Variants in SLC25A13 observed in about 807,000 individuals in gnomAD.
SLC25A13 encodes electrogenic aspartate/glutamate antiporter SLC25A13, mitochondrial.
A neutral mutation model predicts 85.5 loss-of-function variants in SLC25A13; 70 were observed. That is an observed-to-expected ratio of 0.82 (90% CI 0.68 to 1.00). The LOEUF (loss-of-function observed/expected upper bound fraction) is 1.00. Ranked by LOEUF, SLC25A13 falls within the 50% of genes least tolerant of loss-of-function variation. The pLI, the probability that SLC25A13 is intolerant of heterozygous loss-of-function variation, is 0.00. For missense variants in SLC25A13, 765 were observed against 819.8 expected, an observed-to-expected ratio of 0.93 and a Z score of 0.82; for synonymous variants, 259 against 288.7, an observed-to-expected ratio of 0.90 and a Z score of 1.04.
chr7:96,157,551 C>G (rs985822809), intron 13 of SLC25A13, among the ~76,000 whole-genome samples: 1 of 152,176 alleles, frequency 6.6e-6, no homozygotes, highest in South Asian at 2.1e-4. Flanking sequence ...CACCTGTAAT[C>G]CCAGCACTTT....
rs1797939705 is a variant in SLC25A13 at position 96,263,662 on chromosome 7, C to T, written c.212+13534G>A. ...TCACCCCGTATTTTAGCTCTTGGCT[C>T]GATGACACTCTCTCAACTTCTATCT... On this transcript the variant is annotated intron_variant, in intron 3 of 17. Coordinates refer to ENST00000265631, the MANE Select transcript of SLC25A13 (RefSeq NM_014251.3). Among the ~76,000 whole-genome samples, 3 of 152,088 alleles carry T rather than the reference C, an allele frequency of 2.0e-5. No individual in the cohort carries two copies. In the South Asian group the frequency reaches 6.2e-4, roughly 32 times the overall value.
Position 96,121,116 on chromosome 7 carries a change from T to G in SLC25A13, c.*75A>C. 6.9e-7 allele frequency: 1 copy of G among 1,458,492 alleles called. No homozygotes were observed. Among genetic ancestry groups the G allele is most frequent in the Non-Finnish European group, 9.6e-7 (1 of 1,038,790 alleles). The allele number at this position is 1,458,492 out of a possible 1,614,324, so 90.3% of individuals were successfully genotyped here. ...AGATGGACGTAAAAGGGATGAAGCA[T>G]TGCTTCATTCCCAGGAGGGATGTTC... is the stretch of plus-strand genomic sequence containing the variant. On this transcript the variant is annotated 3_prime_UTR_variant, in exon 18 of 18. Transcript: ENST00000265631.
At chr7:96,189,552 CAAAAA>C (rs11335226) in intron 8 of SLC25A13, 24 bp downstream of exon 8, 135 of 1,419,292 alleles carry the variant, frequency 9.5e-5, no homozygotes, top group Non-Finnish European at 1.1e-4. Context: ...AAGCTAATTC[CAAAAA>C]AAAAAAAAAA....
chr7:96,201,280 C>T (rs1253351084), intron 5 of SLC25A13, among the ~76,000 whole-genome samples: 1 of 151,864 alleles, frequency 6.6e-6, no homozygotes, highest in African/African-American at 2.4e-5. Context: ...GAGGGTGAGG[C>T]GAGTGGATTG....
At chr7:96,199,682 C>G (rs1795183582) in intron 5 of SLC25A13, among the ~76,000 whole-genome samples, 1 of 152,096 alleles carries the variant, frequency 6.6e-6, no homozygotes, top group Non-Finnish European at 1.5e-5. Flanking sequence ...TCTGTTCCCT[C>G]TATTCTGGTG....
At chr7:96,279,491 C>G (rs899623928) in intron 2 of SLC25A13, among the ~76,000 whole-genome samples, 11 of 152,194 alleles carry the variant, frequency 7.2e-5, no homozygotes, top group Non-Finnish European at 1.5e-4. Flanking sequence ...CTTAACATGG[C>G]GGTAGGCAAG....
intron 3 of SLC25A13, among the ~76,000 whole-genome samples, chr7:96,276,629 A>C (rs1798460309): frequency 6.6e-6 from 1 of 152,148 alleles, no homozygotes; most frequent in African/African-American, 2.4e-5. Context: ...CCTCAAAAGA[A>C]GGAGGGAAAA....
At chr7:96,195,040 C>T (rs574927255) in intron 5 of SLC25A13, among the ~76,000 whole-genome samples, 153 of 152,290 alleles carry the variant, frequency 1.0e-3, no homozygotes, top group Admixed American at 2.6e-3. Flanking sequence ...AGACAGAGTG[C>T]TCTCTCTCTT....
At chr7:96,146,490 GA>G in intron 14 of SLC25A13, 65 bp downstream of exon 14, 1 of 1,571,436 alleles carries the variant, frequency 6.4e-7, no homozygotes, top group Non-Finnish European at 8.7e-7. Flanking sequence ...TCATGTTGAA[GA>G]ATAGTTTCTG....
At chr7:96,258,909 C>G (rs975302055) in intron 3 of SLC25A13, among the ~76,000 whole-genome samples, 4 of 152,098 alleles carry the variant, frequency 2.6e-5, no homozygotes, top group Admixed American at 6.5e-5. Flanking sequence ...GAAATAACAC[C>G]ACACATCTAC....
chr7:96,278,807 T>C (rs545131834), intron 2 of SLC25A13, among the ~76,000 whole-genome samples: 4 of 152,330 alleles, frequency 2.6e-5, no homozygotes, highest in African/African-American at 4.8e-5. Flanking sequence ...TTCGGCTTTT[T>C]GGACATGTAA....
At chr7:96,163,891 C>T (rs766839733) in intron 13 of SLC25A13, among the ~76,000 whole-genome samples, 2 of 148,592 alleles carry the variant, frequency 1.3e-5, no homozygotes, top group Non-Finnish European at 2.9e-5. Flanking sequence ...TCACAACATC[C>T]TCTCTCTCTC....
chr7:96,310,588 A>T (rs1201778727), intron 1 of SLC25A13, among the ~76,000 whole-genome samples: 1 of 152,206 alleles, frequency 6.6e-6, no homozygotes, highest in African/African-American at 2.4e-5. Flanking sequence ...AGACAATGGG[A>T]ATTCCAACAG....
intron 2 of SLC25A13, among the ~76,000 whole-genome samples, chr7:96,284,001 C>G (rs1562902867): frequency 6.6e-6 from 1 of 152,016 alleles, no homozygotes; most frequent in African/African-American, 2.4e-5. Flanking sequence ...CAAGAAATTA[C>G]TCAACTGGTT....
At chr7:96,174,819 T>C (rs1168518711) in intron 11 of SLC25A13, among the ~76,000 whole-genome samples, 2 of 152,238 alleles carry the variant, frequency 1.3e-5, no homozygotes, top group Non-Finnish European at 2.9e-5. Flanking sequence ...ATAAATTTAG[T>C]AATGCATTGT....
intron 1 of SLC25A13, among the ~76,000 whole-genome samples, chr7:96,303,126 C>T (rs1391848643): frequency 1.3e-5 from 2 of 152,024 alleles, no homozygotes; most frequent in Admixed American, 6.6e-5. Flanking sequence ...AGAACAACTG[C>T]GTTAGGACCC....
intron 9 of SLC25A13, 102 bp from the exon 10 acceptor site, chr7:96,185,113 T>C: frequency 1.3e-6 from 1 of 799,854 alleles, no homozygotes; most frequent in South Asian, 2.2e-5. Context: ...ACTCATTGGG[T>C]TCTAAATCCA....
At chr7:96,317,808 T>A (rs1191768969) in intron 1 of SLC25A13, among the ~76,000 whole-genome samples, 3 of 148,396 alleles carry the variant, frequency 2.0e-5, no homozygotes, top group Non-Finnish European at 1.5e-5. Flanking sequence ...TTACTTTATT[T>A]TATTTTTTTT....
In SLC25A13 at chr7:96,288,310, G is replaced by C. The variant is rs575247138; in HGVS notation, c.69+8588C>G. Among the ~76,000 whole-genome samples the C allele has an allele frequency of 1.5e-4, 23 of 152,326 alleles. No homozygotes were observed. The South Asian group carries it at 1.7e-3, about 11-fold the overall frequency. The stretch of plus-strand genomic sequence containing the variant: ...TGGATGGTTCCAAGATGGCCGAATA[G>C]GAACAGCTCCAGTCTACAGCTCCCA... On this transcript the variant is annotated intron_variant, in intron 2 of 17. Transcript: ENST00000265631.
Sources: gnomAD v4.1 joint callset for allele counts (sites outside exome capture counted in the v4.1 genomes callset) on GRCh38, gnomAD v4.1.1 for gene constraint, MANE v1.5 for transcripts, NCBI Gene and HGNC (gene_info 2026-07-23, HGNC 2026-07-21) for gene names.